Variants in NCKAP5 observed in about 807,000 individuals in gnomAD.
NCKAP5 encodes the protein NCK associated protein 5, also known as nck-associated protein 5.
A neutral mutation model predicts 167.0 loss-of-function variants in NCKAP5; 92 were observed. The ratio of observed to expected loss-of-function variants is 0.55; its 90% confidence interval spans 0.47 to 0.66. The LOEUF (loss-of-function observed/expected upper bound fraction) is 0.66. Among genes scored for constraint, NCKAP5 ranks in the 30% least tolerant of loss-of-function variants. The pLI, the probability that NCKAP5 is intolerant of heterozygous loss-of-function variation, is 0.00. For synonymous variants in NCKAP5, 891 were observed against 877.4 expected (o/e 1.02, Z -0.27); for missense variants, 2,378 against 2,315.0 (o/e 1.03, Z -0.56).
chr2:133,395,737 C>T (rs955622321), intron 3 of NCKAP5, among the ~76,000 whole-genome samples: 1 of 152,112 alleles, frequency 6.6e-6, no homozygotes, highest in Non-Finnish European at 1.5e-5. Context: ...CCTTGAACTC[C>T]TGGGCTCAAG....
intron 8 of NCKAP5, among the ~76,000 whole-genome samples, chr2:132,958,225 T>C (rs895727157): frequency 5.3e-5 from 8 of 152,134 alleles, no homozygotes; most frequent in African/African-American, 1.9e-4. Context: ...CTAAGCCTTA[T>C]AGGAAGGCTT....
intron 11 of NCKAP5, among the ~76,000 whole-genome samples, chr2:132,814,792 G>A (rs1211221264): frequency 6.6e-6 from 1 of 152,162 alleles, no homozygotes; most frequent in Non-Finnish European, 1.5e-5. Context: ...TGACAGATTA[G>A]GAAGTTACAA....
chr2:133,114,579 A>G (rs1448426975), intron 6 of NCKAP5, among the ~76,000 whole-genome samples: 1 of 152,122 alleles, frequency 6.6e-6, no homozygotes, highest in Non-Finnish European at 1.5e-5. Flanking sequence ...AGATTGTCTC[A>G]TTTGTTTTCT....
At chr2:133,289,400 T>C (rs896770406) in intron 4 of NCKAP5, among the ~76,000 whole-genome samples, 2 of 95,708 alleles carry the variant, frequency 2.1e-5, no homozygotes, top group African/African-American at 8.5e-5. Context: ...GTCATTGTTA[T>C]TTGTGCTAAG....
intron 3 of NCKAP5, among the ~76,000 whole-genome samples, chr2:133,490,575 C>G (rs1490184669): frequency 6.6e-6 from 1 of 152,156 alleles, no homozygotes; most frequent in African/African-American, 2.4e-5. Flanking sequence ...AAGATCCCAC[C>G]TAAAATTCAA....
chr2:133,243,189 A>G (rs2087808387), intron 4 of NCKAP5, among the ~76,000 whole-genome samples: 1 of 152,312 alleles, frequency 6.6e-6, no homozygotes, highest in South Asian at 2.1e-4. Context: ...ATCATGAAAT[A>G]GAGTTTAAAT....
chr2:133,024,088 T>C (rs2078618606), intron 6 of NCKAP5, among the ~76,000 whole-genome samples: 1 of 152,220 alleles, frequency 6.6e-6, no homozygotes, highest in Non-Finnish European at 1.5e-5. Flanking sequence ...CCATAAAGTA[T>C]AAACATCTAT....
At chr2:132,739,403 T>C (rs1295714206) in intron 16 of NCKAP5, among the ~76,000 whole-genome samples, 2 of 152,216 alleles carry the variant, frequency 1.3e-5, no homozygotes, top group African/African-American at 2.4e-5. Flanking sequence ...GAAGACTATA[T>C]GCTTCAGAGT....
the NCKAP5 span, among the ~76,000 whole-genome samples, chr2:133,583,843 T>C: frequency 6.6e-6 from 1 of 152,194 alleles, no homozygotes; most frequent in African/African-American, 2.4e-5. Context: ...AAGCTCTGCC[T>C]CCTGGGTTCA....
chr2:133,549,148 G>A (rs1208201516), intron 2 of NCKAP5, among the ~76,000 whole-genome samples: 2 of 150,340 alleles, frequency 1.3e-5, no homozygotes, highest in Non-Finnish European at 3.0e-5. Flanking sequence ...TTACATAATG[G>A]TAAAGGGATC....
intron 5 of NCKAP5, among the ~76,000 whole-genome samples, chr2:133,208,883 A>C (rs2086081378): frequency 6.6e-6 from 1 of 152,192 alleles, no homozygotes; most frequent in South Asian, 2.1e-4. Flanking sequence ...CAGAACTTTC[A>C]ACAGAAACGT....
intron 6 of NCKAP5, among the ~76,000 whole-genome samples, chr2:133,012,469 C>T (rs1018861667): frequency 1.1e-4 from 17 of 152,136 alleles, no homozygotes; most frequent in African/African-American, 3.9e-4. Flanking sequence ...AGGATGGTCT[C>T]GATCTCCTGA....
intron 6 of NCKAP5, among the ~76,000 whole-genome samples, chr2:132,997,037 C>A (rs1464872993): frequency 6.6e-6 from 1 of 152,200 alleles, no homozygotes; most frequent in Admixed American, 6.5e-5. Flanking sequence ...CAGGCTGATC[C>A]AGCTTCTCCC....
chr2:132,933,665 A>G (rs1696613346), intron 8 of NCKAP5, among the ~76,000 whole-genome samples: 1 of 152,208 alleles, frequency 6.6e-6, no homozygotes, highest in Non-Finnish European at 1.5e-5. Context: ...ACCCAAAAGA[A>G]ATAGCTTTGA....
chr2:133,669,820 T>C, the NCKAP5 span, among the ~76,000 whole-genome samples: 1 of 152,186 alleles, frequency 6.6e-6, no homozygotes, highest in East Asian at 1.9e-4. Context: ...GCAGAATTAG[T>C]TTTCTCCTAC....
At chr2:133,345,897 A>C (rs1408987721) in intron 3 of NCKAP5, among the ~76,000 whole-genome samples, 1 of 152,172 alleles carries the variant, frequency 6.6e-6, no homozygotes, top group Non-Finnish European at 1.5e-5. Context: ...CAGAGATGGA[A>C]GATGACTGAG....
chr2:133,339,915 T>G (rs1353621304), intron 3 of NCKAP5, among the ~76,000 whole-genome samples: 1 of 152,194 alleles, frequency 6.6e-6, no homozygotes, highest in African/African-American at 2.4e-5. Context: ...TCTAGAAACC[T>G]TTGTGCGGTC....
chr2:133,249,041 C>T (rs902523708), intron 4 of NCKAP5, among the ~76,000 whole-genome samples: 1 of 152,178 alleles, frequency 6.6e-6, no homozygotes, highest in Non-Finnish European at 1.5e-5. Flanking sequence ...GTGTCTTCCC[C>T]TTTAGCCATT....
intron 3 of NCKAP5, among the ~76,000 whole-genome samples, chr2:133,500,030 G>A (rs1682352983): frequency 6.6e-6 from 1 of 151,994 alleles, no homozygotes; most frequent in Non-Finnish European, 1.5e-5. Flanking sequence ...AATGTATCTA[G>A]AATGCATTCT....
Sources: gnomAD v4.1 joint callset for allele counts (sites outside exome capture counted in the v4.1 genomes callset) on GRCh38, gnomAD v4.1.1 for gene constraint, MANE v1.5 for transcripts, NCBI Gene and HGNC (gene_info 2026-07-23, HGNC 2026-07-21) for gene names.